Variants in PHACTR1 observed in about 807,000 individuals in gnomAD.
PHACTR1 encodes the protein RPEL repeat containing 1.
In PHACTR1, 16 loss-of-function variants were observed where a neutral mutation model predicts 69.2. The ratio of observed to expected loss-of-function variants is 0.23; its 90% confidence interval spans 0.16 to 0.35. PHACTR1 has a LOEUF of 0.35. Among genes scored for constraint, PHACTR1 ranks in the 10% least tolerant of loss-of-function variants. The probability of loss-of-function intolerance (pLI) is 1.00; values close to 1 mark genes in which losing one functional copy is unlikely to be tolerated. For synonymous variants in PHACTR1, 312 were observed against 284.5 expected (o/e 1.10, Z -0.97); for missense variants, 510 against 734.7 (o/e 0.69, Z 3.54).
At chr6:13,038,426 G>A (rs1803656867) in intron 4 of PHACTR1, among the ~76,000 whole-genome samples, 1 of 151,064 alleles carries the variant, frequency 6.6e-6, no homozygotes, top group Non-Finnish European at 1.5e-5. Context: ...TACTCTAGAG[G>A]AAGAGGAAAG....
chr6:13,054,847 G>A (rs1806534186), intron 5 of PHACTR1, among the ~76,000 whole-genome samples: 1 of 152,142 alleles, frequency 6.6e-6, no homozygotes, highest in African/African-American at 2.4e-5. Context: ...TCCAGTCATT[G>A]CCAGGGCTAC....
intron 5 of PHACTR1, among the ~76,000 whole-genome samples, chr6:13,083,662 T>C (rs541220059): frequency 2.0e-5 from 3 of 152,208 alleles, no homozygotes; most frequent in Non-Finnish European, 4.4e-5. Flanking sequence ...GTCCTTTACA[T>C]CCCTTGTAAG....
Position 13,195,967 on chromosome 6 carries a change from A to G in PHACTR1, c.665-9848A>G, listed in dbSNP as rs1297914600. Among the ~76,000 whole-genome samples the G allele has an allele frequency of 2.0e-5, 3 of 152,086 alleles. No homozygotes were observed. In the East Asian group the frequency reaches 5.8e-4, roughly 29 times the overall value. Reference sequence around the variant, plus strand: ...TGGAAATACAGCCCTCTTGGGTTTTATGGCTCTGTGACATTCACGGTTTGG... The same window carrying G: ...TGGAAATACAGCCCTCTTGGGTTTTGTGGCTCTGTGACATTCACGGTTTGG... On this transcript the variant is annotated intron_variant, in intron 7 of 14. Coordinates refer to ENST00000332995, the MANE Select transcript of PHACTR1 (RefSeq NM_030948.6).
intron 4 of PHACTR1, among the ~76,000 whole-genome samples, chr6:13,028,765 G>A (rs1006269037): frequency 2.6e-5 from 4 of 152,166 alleles, no homozygotes; most frequent in African/African-American, 9.7e-5. Context: ...TGTCACCTTG[G>A]AGACAAGATT....
chr6:13,068,126 G>A (rs2127767360), intron 5 of PHACTR1, among the ~76,000 whole-genome samples: 1 of 152,284 alleles, frequency 6.6e-6, no homozygotes, highest in Middle Eastern at 3.4e-3. Flanking sequence ...AGACCAGCCT[G>A]GGCAACACGG....
At chr6:13,018,773 G>T (rs1800533492) in intron 4 of PHACTR1, among the ~76,000 whole-genome samples, 1 of 152,144 alleles carries the variant, frequency 6.6e-6, no homozygotes. Context: ...AAGCAGTTCA[G>T]ATTGCATCCA....
chr6:12,787,744 C>T (rs920762107), intron 4 of PHACTR1, among the ~76,000 whole-genome samples: 2 of 152,146 alleles, frequency 1.3e-5, no homozygotes, highest in Non-Finnish European at 2.9e-5. Flanking sequence ...GATTCTGAAC[C>T]AGCCTCTCAG....
intron 4 of PHACTR1, among the ~76,000 whole-genome samples, chr6:12,763,121 G>T (rs1277202799): frequency 6.6e-6 from 1 of 152,196 alleles, no homozygotes; most frequent in Non-Finnish European, 1.5e-5. Context: ...CCTGAGGCAG[G>T]AGAATCACTT....
chr6:12,937,297 C>T (rs1361102643), intron 4 of PHACTR1, among the ~76,000 whole-genome samples: 1 of 152,114 alleles, frequency 6.6e-6, no homozygotes, highest in Non-Finnish European at 1.5e-5. Flanking sequence ...CAAAGGAAGG[C>T]CCTTGAAGAT....
chr6:12,965,703 A>G (rs1793397205), intron 4 of PHACTR1, among the ~76,000 whole-genome samples: 1 of 152,162 alleles, frequency 6.6e-6, no homozygotes. Context: ...ACAGAAAACC[A>G]AAGGTACGTA....
At chr6:13,234,006 C>G (rs1174165881) in intron 10 of PHACTR1, among the ~76,000 whole-genome samples, 2 of 152,232 alleles carry the variant, frequency 1.3e-5, no homozygotes, top group Non-Finnish European at 2.9e-5. Context: ...GAGATCAGCA[C>G]ATCAGGCAGA....
intron 4 of PHACTR1, among the ~76,000 whole-genome samples, chr6:12,818,528 G>T (rs970871172): frequency 6.6e-6 from 1 of 152,204 alleles, no homozygotes; most frequent in Non-Finnish European, 1.5e-5. Context: ...TGCAAGGAGT[G>T]GGAAGTAGAT....
intron 4 of PHACTR1, among the ~76,000 whole-genome samples, chr6:12,851,564 A>G (rs1470052749): frequency 3.9e-5 from 6 of 152,204 alleles, no homozygotes; most frequent in Non-Finnish European, 4.4e-5. Context: ...CATCATGCAC[A>G]GCAATAGGAA....
At chr6:13,269,126 C>T (rs1777243900) in intron 10 of PHACTR1, among the ~76,000 whole-genome samples, 1 of 58,898 alleles carries the variant, frequency 1.7e-5, no homozygotes, top group Admixed American at 2.4e-4. Context: ...AAAACACTGG[C>T]CTGATCTCCA....
chr6:12,909,015 A>T (rs1437735492), intron 4 of PHACTR1, among the ~76,000 whole-genome samples: 1 of 152,174 alleles, frequency 6.6e-6, no homozygotes, highest in Non-Finnish European at 1.5e-5. Flanking sequence ...AACAGAAATG[A>T]TCAGTGCATA....
At chr6:13,285,613 CA>C (rs1365948676) in intron 13 of PHACTR1, among the ~76,000 whole-genome samples, 1 of 152,038 alleles carries the variant, frequency 6.6e-6, no homozygotes, top group Non-Finnish European at 1.5e-5. Flanking sequence ...TGAGGTTATT[CA>C]AAATGTATCT....
At chr6:13,145,399 T>G (rs1823180331) in intron 5 of PHACTR1, among the ~76,000 whole-genome samples, 1 of 152,244 alleles carries the variant, frequency 6.6e-6, no homozygotes, top group Admixed American at 6.5e-5. Context: ...TTGAGTTTTA[T>G]GTTTAAGGCA....
chr6:12,988,187 T>G lies in PHACTR1; in HGVS notation c.251-65178T>G, dbSNP rs993396629. Among the ~76,000 whole-genome samples, 27 of 152,324 alleles carry G rather than the reference T, an allele frequency of 1.8e-4. No homozygotes were observed. In the South Asian group the frequency reaches 5.2e-3, roughly 29 times the overall value. On this transcript the variant is annotated intron_variant, in intron 4 of 14. Coordinates refer to ENST00000332995, the MANE Select transcript of PHACTR1 (RefSeq NM_030948.6). ...TCCATTTGCAGTACATATTGGCAGG[T>G]AAAAGACATAGAGGAATAAGAGTAC... is the stretch of plus-strand genomic sequence containing the variant.
intron 3 of PHACTR1, among the ~76,000 whole-genome samples, chr6:12,743,401 T>G (rs1765333171): frequency 6.6e-6 from 1 of 152,182 alleles, no homozygotes; most frequent in Non-Finnish European, 1.5e-5. Context: ...ATAATTACCT[T>G]TCACATAGGC....
Sources: allele counts gnomAD v4.1 joint callset (sites outside exome capture counted in the v4.1 genomes callset), GRCh38; gene constraint gnomAD v4.1.1; transcripts MANE v1.5; gene names NCBI Gene and HGNC (gene_info 2026-07-23, HGNC 2026-07-21).